CNTNAP2: variants seen among roughly 807,000 people sequenced by gnomAD.
The protein encoded by CNTNAP2 is contactin associated protein 2.
CNTNAP2 carries 98 observed loss-of-function variants against 155.2 expected under a neutral mutation model. That is an observed-to-expected ratio of 0.63 (90% CI 0.54 to 0.75). CNTNAP2 has a LOEUF of 0.75. CNTNAP2 is among the 30% of genes least tolerant of loss of function. The pLI is 0.00. For synonymous variants in CNTNAP2, 651 were observed against 631.2 expected (o/e 1.03, Z -0.47); for missense variants, 1,727 against 1,688.1 (o/e 1.02, Z -0.40).
chr7:146,587,970 G>A (rs1003953470), intron 1 of CNTNAP2, among the ~76,000 whole-genome samples: 16 of 151,022 alleles, frequency 1.1e-4, no homozygotes, highest in African/African-American at 2.2e-4. Flanking sequence ...CACTGCGCCC[G>A]GCCTGATGAT....
At chr7:146,403,164 A>G (rs1426999509) in intron 1 of CNTNAP2, among the ~76,000 whole-genome samples, 2 of 152,112 alleles carry the variant, frequency 1.3e-5, no homozygotes, top group Non-Finnish European at 2.9e-5. Flanking sequence ...AATTCACATC[A>G]ATTTTTAATT....
intron 1 of CNTNAP2, among the ~76,000 whole-genome samples, chr7:146,143,998 G>A (rs760327263): frequency 5.8e-4 from 88 of 152,096 alleles, no homozygotes; most frequent in Non-Finnish European, 2.2e-4. Flanking sequence ...CTGACTTCAG[G>A]TGATCCTCCC....
intron 4 of CNTNAP2, among the ~76,000 whole-genome samples, chr7:147,095,810 C>G (rs965801208): frequency 2.6e-5 from 4 of 152,068 alleles, no homozygotes; most frequent in African/African-American, 9.7e-5. Flanking sequence ...ACTTGATGAG[C>G]TATTATTAAT....
intron 16 of CNTNAP2, among the ~76,000 whole-genome samples, chr7:148,125,433 G>T (rs1360156173): frequency 6.6e-6 from 1 of 152,028 alleles, no homozygotes; most frequent in South Asian, 2.1e-4. Context: ...CTTAGTACAC[G>T]TATCCATGCG....
intron 1 of CNTNAP2, among the ~76,000 whole-genome samples, chr7:146,666,284 T>C (rs531808183): frequency 6.6e-6 from 1 of 152,286 alleles, no homozygotes; most frequent in East Asian, 1.9e-4. Context: ...TCACTTAACA[T>C]AGTATCTATT....
At chr7:146,692,527 CAA>C (rs950030711) in intron 1 of CNTNAP2, among the ~76,000 whole-genome samples, 12 of 152,126 alleles carry the variant, frequency 7.9e-5, no homozygotes, top group African/African-American at 2.6e-4. Flanking sequence ...AACCTATTGT[CAA>C]GAGGGAAAAT....
chr7:147,330,981 C>T (rs949875617), intron 9 of CNTNAP2, among the ~76,000 whole-genome samples: 8 of 152,158 alleles, frequency 5.3e-5, no homozygotes, highest in African/African-American at 4.8e-5. Flanking sequence ...ACTAGTGGGA[C>T]TCAGTTTTCT....
intron 15 of CNTNAP2, among the ~76,000 whole-genome samples, chr7:148,041,514 C>T (rs1396972872): frequency 3.9e-5 from 6 of 152,190 alleles, no homozygotes; most frequent in African/African-American, 4.8e-5. Context: ...ATCTGAGTGT[C>T]GCTTTTGCTG....
At chr7:146,656,956 A>G (rs969198922) in intron 1 of CNTNAP2, among the ~76,000 whole-genome samples, 5 of 152,176 alleles carry the variant, frequency 3.3e-5, no homozygotes, top group East Asian at 1.9e-4. Flanking sequence ...TCCCAATTCA[A>G]TGCCTCTTTT....
At chr7:148,140,305 T>G (rs966716390) in intron 16 of CNTNAP2, among the ~76,000 whole-genome samples, 2 of 152,188 alleles carry the variant, frequency 1.3e-5, no homozygotes, top group African/African-American at 4.8e-5. Flanking sequence ...ATTGCCCACA[T>G]GGCTGACCTC....
intron 3 of CNTNAP2, among the ~76,000 whole-genome samples, chr7:146,881,207 A>G (rs968705832): frequency 1.3e-5 from 2 of 152,154 alleles, no homozygotes; most frequent in African/African-American, 2.4e-5. Flanking sequence ...ATTTTAACCT[A>G]CAGGAAAAGC....
At chr7:148,338,174 A>T (rs1189963175) in intron 21 of CNTNAP2, among the ~76,000 whole-genome samples, 1 of 152,200 alleles carries the variant, frequency 6.6e-6, no homozygotes, top group African/African-American at 2.4e-5. Flanking sequence ...CATGTTATAT[A>T]AATGGAGACA....
At chr7:147,208,530 T>C (rs1411834979) in intron 8 of CNTNAP2, among the ~76,000 whole-genome samples, 1 of 152,022 alleles carries the variant, frequency 6.6e-6, no homozygotes, top group East Asian at 1.9e-4. Flanking sequence ...TATTGTTTTA[T>C]TTACTGTCCC....
At chr7:147,081,764 AT>A (rs1800136922) in intron 4 of CNTNAP2, 1 of 152,200 alleles carries the variant, frequency 6.6e-6, no homozygotes, top group South Asian at 2.1e-4. Flanking sequence ...AGATTCATTA[AT>A]CTTAAAGGCT....
At chr7:146,793,103 A>G (rs949199516) in intron 2 of CNTNAP2, among the ~76,000 whole-genome samples, 8 of 152,276 alleles carry the variant, frequency 5.3e-5, no homozygotes, top group Admixed American at 1.3e-4. Context: ...GCTACTTTAC[A>G]TTTTTCATAC....
intron 1 of CNTNAP2, among the ~76,000 whole-genome samples, chr7:146,373,216 G>A (rs555649028): frequency 9.2e-5 from 14 of 152,180 alleles, no homozygotes; most frequent in Non-Finnish European, 1.5e-4. Flanking sequence ...ACTAACTAAC[G>A]TTTACAACCA....
intron 9 of CNTNAP2, among the ~76,000 whole-genome samples, chr7:147,379,019 G>A (rs1328862162): frequency 6.6e-6 from 1 of 151,954 alleles, no homozygotes; most frequent in East Asian, 1.9e-4. Context: ...GAGTTCTCAC[G>A]ACATCTGATG....
chr7:147,980,310 T>C (rs1172896953), intron 15 of CNTNAP2, among the ~76,000 whole-genome samples: 1 of 152,210 alleles, frequency 6.6e-6, no homozygotes, highest in Non-Finnish European at 1.5e-5. Context: ...CATTGTTCAT[T>C]TGCATTTCTA....
chr7:147,320,956 T>A (rs1034575255), intron 9 of CNTNAP2, among the ~76,000 whole-genome samples: 22 of 152,218 alleles, frequency 1.4e-4, no homozygotes, highest in African/African-American at 5.1e-4. Context: ...AGGCCATGCT[T>A]ATGGTTTCCT....
Sources: allele counts gnomAD v4.1 joint callset (sites outside exome capture counted in the v4.1 genomes callset), GRCh38; gene constraint gnomAD v4.1.1; transcripts MANE v1.5; gene names NCBI Gene and HGNC (gene_info 2026-07-23, HGNC 2026-07-21).